Variants in SMG6 observed in about 807,000 individuals in gnomAD.
The protein encoded by SMG6 is telomerase-binding protein EST1A.
Under a neutral mutation model 142.2 loss-of-function variants are expected in SMG6, and 66 were observed. That is an observed-to-expected ratio of 0.46 (90% confidence interval 0.38 to 0.57). SMG6 has a LOEUF of 0.57. Among genes scored for constraint, SMG6 ranks in the 20% least tolerant of loss-of-function variants. SMG6 has a pLI of 0.00. For synonymous variants in SMG6, 779 were observed against 702.4 expected, an observed-to-expected ratio of 1.11 and a Z score of -1.72; for missense variants, 1,793 against 1,832.0, an observed-to-expected ratio of 0.98 and a Z score of 0.39.
At chr17:2,116,919 G>A (rs992730252) in intron 13 of SMG6, among the ~76,000 whole-genome samples, 2 of 151,522 alleles carry the variant, frequency 1.3e-5, no homozygotes, top group African/African-American at 4.9e-5. Flanking sequence ...TCAGGAACAG[G>A]CACTCCCCAG....
intron 8 of SMG6, among the ~76,000 whole-genome samples, chr17:2,275,212 A>G (rs2074622578): frequency 6.6e-6 from 1 of 152,140 alleles, no homozygotes; most frequent in South Asian, 2.1e-4. Flanking sequence ...ACTTGAGGTC[A>G]GGAGTTCAAT....
chr17:2,175,185 C>T (rs1180763503), intron 12 of SMG6, among the ~76,000 whole-genome samples: 1 of 152,204 alleles, frequency 6.6e-6, no homozygotes, highest in Non-Finnish European at 1.5e-5. Context: ...GGCCAACAGG[C>T]ACTGCTCGGC....
At chr17:2,210,896 G>T (rs1368284068) in intron 10 of SMG6, among the ~76,000 whole-genome samples, 1 of 151,892 alleles carries the variant, frequency 6.6e-6, no homozygotes, top group African/African-American at 2.4e-5. Context: ...ACCTAGGTAA[G>T]CCAAGACACA....
chr17:2,195,796 C>T (rs556239502), intron 10 of SMG6, among the ~76,000 whole-genome samples: 1 of 152,270 alleles, frequency 6.6e-6, no homozygotes, highest in African/African-American at 2.4e-5. Context: ...ATGACCTGCC[C>T]AATAACACAA....
At chr17:2,100,770 C>T (rs2068984640) in intron 13 of SMG6, among the ~76,000 whole-genome samples, 1 of 152,178 alleles carries the variant, frequency 6.6e-6, no homozygotes, top group East Asian at 1.9e-4. Context: ...TGGTCTTGAA[C>T]TCCCAGGCTC....
intron 10 of SMG6, among the ~76,000 whole-genome samples, chr17:2,224,007 C>G (rs2073249047): frequency 6.6e-6 from 1 of 152,126 alleles, no homozygotes; most frequent in Admixed American, 6.5e-5. Context: ...GTACGGCAGA[C>G]TAGACACCTA....
chr17:2,090,633 G>T (rs2068691271), intron 13 of SMG6, among the ~76,000 whole-genome samples: 1 of 152,196 alleles, frequency 6.6e-6, no homozygotes, highest in African/African-American at 2.4e-5. Flanking sequence ...TGAATTTTTG[G>T]TTTGGAGAAA....
chr17:2,222,993 G>C lies in SMG6; in HGVS notation c.2869+13499C>G, dbSNP rs146511477. On this transcript the variant is annotated intron_variant, in intron 10 of 18. Transcript: ENST00000263073. Reference sequence around the variant, plus strand: ...AGGTGAAAAGAGGTTATGTGGAACAGACAGTGATAACAGGATGACGTCACA... The same window carrying C: ...AGGTGAAAAGAGGTTATGTGGAACACACAGTGATAACAGGATGACGTCACA... Among the ~76,000 whole-genome samples, 29 of 152,332 alleles carry C rather than the reference G, an allele frequency of 1.9e-4. No individual in the cohort carries two copies. The East Asian group carries it at 4.6e-3, about 24-fold the overall frequency.
At chr17:2,284,669 T>C (rs2074865187) in intron 6 of SMG6, among the ~76,000 whole-genome samples, 1 of 152,200 alleles carries the variant, frequency 6.6e-6, no homozygotes, top group Non-Finnish European at 1.5e-5. Flanking sequence ...TCACCTGGCA[T>C]GGCTAGAGGT....
intron 10 of SMG6, among the ~76,000 whole-genome samples, chr17:2,190,791 C>T (rs1455757295): frequency 6.6e-6 from 1 of 152,206 alleles, no homozygotes; most frequent in Non-Finnish European, 1.5e-5. Flanking sequence ...CCTCAACTCC[C>T]CATCCCCTAA....
At position 2,236,400 on chromosome 17, in the gene SMG6, AGGTAGGTAT is replaced by A. The variant is rs1274635562; in HGVS notation, c.2869+83_2869+91del. On this transcript the variant is annotated intron_variant, in intron 10 of 18. Coordinates refer to ENST00000263073, the MANE Select transcript of SMG6 (RefSeq NM_017575.5). ...GTGTGTTCGGGGGTGGGGTGGGGGG[AGGTAGGTAT>A]GGTAGGTATGGTAACACAAGAAAGA... The A allele has an allele frequency of 1.1e-4, 148 of 1,288,902 alleles. 1 individual carries two copies. The highest frequency in any genetic ancestry group is 9.8e-4 in the South Asian group (67 of 68,222). The allele number at this position is 1,288,902 out of a possible 1,614,324, so 79.8% of individuals were successfully genotyped here. A position where few individuals can be genotyped will look rare whatever the true frequency, so the allele number is the denominator to read the frequency against.
At chr17:2,291,306 GA>G (rs1388048643) in intron 6 of SMG6, among the ~76,000 whole-genome samples, 1 of 151,512 alleles carries the variant, frequency 6.6e-6, no homozygotes, top group African/African-American at 2.4e-5. Context: ...ACTCCAGCCT[GA>G]GCGACAGAGC....
intron 10 of SMG6, among the ~76,000 whole-genome samples, chr17:2,235,464 C>T (rs562509204): frequency 9.9e-5 from 15 of 152,208 alleles, no homozygotes; most frequent in African/African-American, 3.1e-4. Flanking sequence ...TAAGTACAAA[C>T]GGGGAGATAA....
At chr17:2,302,070 T>C (rs1292765240) in intron 1 of SMG6, among the ~76,000 whole-genome samples, 2 of 148,744 alleles carry the variant, frequency 1.3e-5, no homozygotes, top group Non-Finnish European at 3.0e-5. Flanking sequence ...CTGGGCAACA[T>C]GGCAACACCC....
chr17:2,152,713 G>C (rs1215107788), intron 13 of SMG6, among the ~76,000 whole-genome samples: 1 of 152,174 alleles, frequency 6.6e-6, no homozygotes, highest in Non-Finnish European at 1.5e-5. Flanking sequence ...TGCCAGAACA[G>C]GAACTGCTCG....
At chr17:2,063,517 T>C (rs2067846058) in intron 18 of SMG6, among the ~76,000 whole-genome samples, 1 of 152,154 alleles carries the variant, frequency 6.6e-6, no homozygotes, top group African/African-American at 2.4e-5. Flanking sequence ...GTGGGAGGAC[T>C]AGTAGGACCA....
intron 8 of SMG6, among the ~76,000 whole-genome samples, chr17:2,249,396 A>T (rs2073998898): frequency 6.6e-6 from 1 of 152,196 alleles, no homozygotes; most frequent in African/African-American, 2.4e-5. Flanking sequence ...CCTGGGCTCA[A>T]GCAATCCTCT....
At chr17:2,252,233 A>T (rs2074062659) in intron 8 of SMG6, among the ~76,000 whole-genome samples, 1 of 152,058 alleles carries the variant, frequency 6.6e-6, no homozygotes, top group Non-Finnish European at 1.5e-5. Context: ...CCAACGGTGA[A>T]ACCCCGTCTC....
Position 2,297,920 on chromosome 17 carries a change from A to T in SMG6, c.1983T>A (p.Asp661Glu), listed in dbSNP as rs983273198. ...TCTGTTCTGGGTTCTCAACATTCGG[A>T]TCCTTGACAAGTTGCCTGAACTTCT... ...VIEKFRQLVK[D>E]PNVENPEQIR... is the part of the protein sequence containing the mutation. Residue 661 changes from aspartate (D) to glutamate (E), a missense_variant, in exon 3 of 19, where the codon GAT (aspartate) becomes GAA (glutamate). Physicochemically the swap from Asp to Glu is conservative, Grantham distance 45. This residue lies in a region of SMG6 where 1,597 missense variants were observed against 1,584.6 expected (regional missense o/e 1.01). Coordinates refer to ENST00000263073, the MANE Select transcript of SMG6 (RefSeq NM_017575.5). The T allele has an allele frequency of 1.1e-5, 17 of 1,613,206 alleles. No homozygotes were observed. Among genetic ancestry groups the T allele is most frequent in the Non-Finnish European group, 1.4e-5 (17 of 1,180,018 alleles).
Sources: allele counts gnomAD v4.1 joint callset (sites outside exome capture counted in the v4.1 genomes callset), GRCh38; gene constraint gnomAD v4.1.1; regional missense constraint gnomAD v4.1.1; transcripts MANE v1.5; gene names NCBI Gene and HGNC (gene_info 2026-07-23, HGNC 2026-07-21).